The following LMOD1 variants were observed in gnomAD, a reference collection of about 807,000 sequenced individuals.
The protein encoded by LMOD1 is leiomodin 1, also known as leiomodin-1.
In LMOD1, 8 loss-of-function variants were observed where a neutral mutation model predicts 36.5. The ratio of observed to expected loss-of-function variants is 0.22; its 90% CI spans 0.13 to 0.40. The LOEUF is 0.40. LMOD1 is among the 10% of genes least tolerant of loss of function. LMOD1 has a pLI of 1.00. For missense variants in LMOD1, 630 were observed against 751.1 expected (o/e 0.84, Z 1.88); for synonymous variants, 284 against 288.7 (o/e 0.98, Z 0.17).
intron 1 of LMOD1, among the ~76,000 whole-genome samples, chr1:201,931,890 G>T (rs1229320434): frequency 1.3e-5 from 2 of 151,406 alleles, no homozygotes; most frequent in Non-Finnish European, 2.9e-5. Flanking sequence ...GACAGGGCCA[G>T]ACCCTGTATC....
Position 201,899,325 on chromosome 1 carries a change from C to A in LMOD1, c.1688G>T (p.Gly563Val). ...SLSPATQRKM[G>V]DKVLPAQEKN... is the part of the protein sequence containing the mutation. Reference sequence around the variant, plus strand: ...CTCCTGGGCAGGGAGGACTTTGTCTCCCATCTTCCTCTGGGTAGCTGGTGA... The same window carrying A: ...CTCCTGGGCAGGGAGGACTTTGTCTACCATCTTCCTCTGGGTAGCTGGTGA... Residue 563 changes from glycine to valine, a missense_variant, in exon 2 of 3, where the codon GGA (glycine) becomes GTA (valine). Transcript: ENST00000367288. This position sits in a 1 kb window ranked among gnomAD's most constrained non-coding sequence, Gnocchi z 6.3. The A allele has an allele frequency of 6.2e-7, 1 of 1,611,950 alleles. No homozygotes were observed. The highest frequency in any genetic ancestry group is 8.5e-7 in the Non-Finnish European group (1 of 1,178,944).
In LMOD1 at chr1:201,939,740, G is replaced by A. The variant is rs186750935; in HGVS notation, c.261+6340C>T. On this transcript the variant is annotated intron_variant, in intron 1 of 2. Coordinates refer to ENST00000367288, the MANE Select transcript of LMOD1 (RefSeq NM_012134.3). ...TCCTGTCCCCCATGCATGGCGCTGTGTGTTGTTCCTCTGCTCCTGCTGTGT... is the reference window on the plus strand; with the variant it reads ...TCCTGTCCCCCATGCATGGCGCTGTATGTTGTTCCTCTGCTCCTGCTGTGT... Among the ~76,000 whole-genome samples, 1,296 of 150,164 alleles carry A rather than the reference G, an allele frequency of 8.6e-3. 57 individuals carry two copies. Among genetic ancestry groups the A allele is most frequent in the Admixed American group, 0.078 (1,164 of 14,888 alleles).
intron 1 of LMOD1, among the ~76,000 whole-genome samples, chr1:201,940,529 C>A (rs1019250185): frequency 6.6e-6 from 1 of 151,832 alleles, no homozygotes; most frequent in South Asian, 2.1e-4. Context: ...AGAAGGCAGG[C>A]ACCCAGAGGG....
At position 201,899,897 on chromosome 1, in the gene LMOD1, A is replaced by G; in HGVS notation, c.1116T>C (p.Asp372=). The change falls in exon 2 of 3, where the codon GAT becomes GAC. Residue 372 remains aspartate, a synonymous_variant. Transcript: ENST00000367288. This position sits in a 1 kb window ranked among gnomAD's most constrained non-coding sequence, Gnocchi z 6.3. ...TGGCAATGGCAAAGGCCACGTGGTC[A>G]TCGGCTCGCGTGTTGGCCAAGGCGA... ...KLFALANTRA[D]DHVAFAIAIM... 6.2e-7 allele frequency: 1 copy of G among 1,613,912 alleles called. No individual in the cohort carries two copies. The highest frequency in any genetic ancestry group is 8.5e-7 in the Non-Finnish European group (1 of 1,179,858).
intron 1 of LMOD1, among the ~76,000 whole-genome samples, chr1:201,903,676 T>C (rs907569119): frequency 3.3e-5 from 5 of 152,192 alleles, no homozygotes; most frequent in Non-Finnish European, 5.9e-5. Flanking sequence ...ACTGATTCTG[T>C]CCACTTTTGG....
At chr1:201,914,600 C>T (rs943768884) in intron 1 of LMOD1, among the ~76,000 whole-genome samples, 2 of 152,082 alleles carry the variant, frequency 1.3e-5, no homozygotes, top group Admixed American at 6.5e-5. Flanking sequence ...CCCACTCCAC[C>T]CCTATTCTTG....
Position 201,897,026 on chromosome 1 carries a change from G to A in LMOD1, c.*1346C>T. ...TGCCAAGGGGTGGCAGCACCTTCAA[G>A]AGAATGAAATTCAGAAAGATGCCTT... On this transcript the variant is annotated 3_prime_UTR_variant, in exon 3 of 3. Coordinates refer to ENST00000367288, the MANE Select transcript of LMOD1 (RefSeq NM_012134.3). 1 of 293,396 alleles carries A rather than the reference G, an allele frequency of 3.4e-6. No homozygotes were observed. Among genetic ancestry groups the A allele is most frequent in the Non-Finnish European group, 6.8e-6 (1 of 146,252 alleles). The allele number at this position is 293,396 out of a possible 1,614,324, so 18.2% of individuals were successfully genotyped here.
chr1:201,924,249 G>A (rs1236626531), intron 1 of LMOD1, among the ~76,000 whole-genome samples: 31 of 150,830 alleles, frequency 2.1e-4, no homozygotes, highest in African/African-American at 3.9e-4. Flanking sequence ...GCGTGAACCC[G>A]GGAGGCGGAG....
chr1:201,900,507 T>C lies in LMOD1; in HGVS notation c.506A>G (p.Lys169Arg), dbSNP rs1681281853. 1.9e-6 allele frequency: 3 copies of C among 1,613,878 alleles called. No individual in the cohort carries two copies. The African/African-American group carries it at 4.0e-5, about 22-fold the overall frequency. Residue 169 changes from lysine (K) to arginine (R), a missense_variant, in exon 2 of 3, where the codon AAG becomes AGG. Lys to Arg is a conservative substitution (Grantham distance 26). Transcript: ENST00000367288. ...DKGRVRAAVD[K>R]KEAGKDGRGE... Reference sequence around the variant, plus strand: ...TCTCCCATCCTTCCCTGCCTCCTTCTTATCCACTGCAGCCCTGACCCGGCC... The same window carrying C: ...TCTCCCATCCTTCCCTGCCTCCTTCCTATCCACTGCAGCCCTGACCCGGCC...
chr1:201,924,824 G>C lies in LMOD1; in HGVS notation c.261+21256C>G, dbSNP rs141440988. ...AGGATGAAGCCAGGAGTTCAAGGCTGCAGTGAGTTATGACTGCACCATTGC... is the reference window on the plus strand; with the variant it reads ...AGGATGAAGCCAGGAGTTCAAGGCTCCAGTGAGTTATGACTGCACCATTGC... On this transcript the variant is annotated intron_variant, in intron 1 of 2. Transcript: ENST00000367288. Among the ~76,000 whole-genome samples, 902 of 152,190 alleles carry C rather than the reference G, an allele frequency of 5.9e-3. 4 individuals carry two copies. Among genetic ancestry groups the C allele is most frequent in the Non-Finnish European group, 9.6e-3 (652 of 68,006 alleles).
chr1:201,933,110 C>T (rs1462179541), intron 1 of LMOD1, among the ~76,000 whole-genome samples: 1 of 152,054 alleles, frequency 6.6e-6, no homozygotes, highest in East Asian at 1.9e-4. Context: ...TGCTGCATAG[C>T]AATGAAGGTT....
chr1:201,901,552 A>G (rs1309917898), intron 1 of LMOD1, among the ~76,000 whole-genome samples: 1 of 46,752 alleles, frequency 2.1e-5, no homozygotes, highest in Non-Finnish European at 3.9e-5. Context: ...ATATATATAT[A>G]CATATATATA....
At chr1:201,933,616 TA>T (rs901433743) in intron 1 of LMOD1, among the ~76,000 whole-genome samples, 8 of 84,944 alleles carry the variant, frequency 9.4e-5, no homozygotes, top group African/African-American at 2.8e-4. Context: ...TATATATATA[TA>T]TATATATGGC....
chr1:201,917,630 C>G (rs933041401), intron 1 of LMOD1, among the ~76,000 whole-genome samples: 1 of 141,312 alleles, frequency 7.1e-6, no homozygotes, highest in Non-Finnish European at 1.6e-5. Context: ...CGGGAAATCT[C>G]TTTGGGGAGA....
intron 1 of LMOD1, among the ~76,000 whole-genome samples, chr1:201,923,557 GA>G (rs541465411): frequency 3.3e-5 from 5 of 150,712 alleles, no homozygotes; most frequent in South Asian, 2.1e-4. Context: ...CCTGTCTATT[GA>G]AAAAAAAATT....
intron 1 of LMOD1, among the ~76,000 whole-genome samples, chr1:201,916,302 C>G (rs1344166948): frequency 6.6e-6 from 1 of 151,816 alleles, no homozygotes; most frequent in Non-Finnish European, 1.5e-5. Context: ...AAGCTGGAGC[C>G]CAGGAGTTCA....
intron 1 of LMOD1, among the ~76,000 whole-genome samples, chr1:201,938,857 CCCAAAG>C (rs1411750559): frequency 1.3e-5 from 2 of 152,198 alleles, no homozygotes; most frequent in African/African-American, 4.8e-5. Flanking sequence ...GCCAAGTTCT[CCCAAAG>C]CAGCCTTGGC....
chr1:201,914,715 C>T (rs1681571049), intron 1 of LMOD1, among the ~76,000 whole-genome samples: 1 of 151,994 alleles, frequency 6.6e-6, no homozygotes, highest in Non-Finnish European at 1.5e-5. Context: ...CCAGGCTCAT[C>T]TTTCACCTTC....
intron 1 of LMOD1, among the ~76,000 whole-genome samples, chr1:201,913,051 C>T (rs1558237192): frequency 6.6e-6 from 1 of 152,102 alleles, no homozygotes; most frequent in Non-Finnish European, 1.5e-5. Context: ...CCACCACTGA[C>T]GTTCCCTAAA....
Sources: gnomAD v4.1 joint callset for allele counts (sites outside exome capture counted in the v4.1 genomes callset) on GRCh38, gnomAD v4.1.1 for gene constraint, Gnocchi (gnomAD v3.1) non-coding constraint, MANE v1.5 for transcripts, NCBI Gene and HGNC (gene_info 2026-07-23, HGNC 2026-07-21) for gene names.